MLXIP: variants seen among roughly 807,000 people sequenced by gnomAD.
The protein encoded by MLXIP is MLX-interacting protein.
Under a neutral mutation model 87.2 loss-of-function variants are expected in MLXIP, and 30 were observed. The observed-to-expected ratio is 0.34, with a 90% CI of 0.26 to 0.47. The LOEUF is 0.47. Ranked by LOEUF, MLXIP falls within the 20% of genes least tolerant of loss-of-function variation. The pLI is 1.00. For synonymous variants in MLXIP, 530 were observed against 514.0 expected (o/e 1.03, Z -0.42); for missense variants, 1,002 against 1,240.1 (o/e 0.81, Z 2.88).
At chr12:122,134,854 A>G in intron 9 of MLXIP, 1 of 302,758 alleles carries the variant, frequency 3.3e-6, no homozygotes, top group Admixed American at 4.7e-5. Context: ...TTGTATCTTC[A>G]GTAGAGATGG....
intron 1 of MLXIP, among the ~76,000 whole-genome samples, chr12:122,101,464 C>A (rs1200559808): frequency 6.9e-6 from 1 of 144,980 alleles, no homozygotes; most frequent in Non-Finnish European, 1.5e-5. Context: ...TTTTTCTTTT[C>A]ATGCTTTTTG....
chr12:122,114,737 C>CTT lies in MLXIP; in HGVS notation c.414-12502_414-12501dup, dbSNP rs1278951793. On this transcript the variant is annotated intron_variant, in intron 1 of 16. Coordinates refer to ENST00000319080, the MANE Select transcript of MLXIP (RefSeq NM_014938.6). ...TGACCTCTCTTTGGGAAGGTGACTTCTTTTTTTTTTTTTTTTTTGGTGGGG... is the reference window on the plus strand; with the variant it reads ...TGACCTCTCTTTGGGAAGGTGACTTCTTTTTTTTTTTTTTTTTTTTGGTGGGG... Among the ~76,000 whole-genome samples the CTT allele has an allele frequency of 1.8e-3, 218 of 120,970 alleles. 2 individuals are homozygous for CTT. The highest frequency in any genetic ancestry group is 4.6e-3 in the Admixed American group (52 of 11,204). 79.4% of individuals were successfully genotyped at this position (120,970 alleles called of 152,430 possible).
chr12:122,079,074 A>G lies in MLXIP; in HGVS notation c.221A>G (p.Gln74Arg), dbSNP rs1399741593. The G allele has an allele frequency of 1.3e-6, 2 of 1,529,088 alleles. No individual in the cohort carries two copies. Among genetic ancestry groups the G allele is most frequent in the Non-Finnish European group, 8.8e-7 (1 of 1,139,220 alleles). 94.7% of individuals were successfully genotyped at this position (1,529,088 alleles called of 1,614,324 possible). A position where few individuals can be genotyped will look rare whatever the true frequency, so the allele number is the denominator to read the frequency against. The part of the protein sequence containing the change: ...GPGREEPPRR[Q>R]QIIHSGHFMV... ...GGCCGCGAGGAACCTCCGCGCCGCC[A>G]GCAGATCATCCACAGCGGCCACTTC... is the stretch of plus-strand genomic sequence containing the variant. Residue 74 changes from glutamine (Q) to arginine (R), a missense_variant, in exon 1 of 17, where the codon CAG (glutamine) becomes CGG (arginine). Transcript: ENST00000319080.
chr12:122,086,140 C>T (rs139957094), intron 1 of MLXIP, among the ~76,000 whole-genome samples: 4 of 152,232 alleles, frequency 2.6e-5, no homozygotes, highest in Admixed American at 2.0e-4. Flanking sequence ...GGCGAGGGGA[C>T]GGGTTCTCCC....
At chr12:122,092,107 C>T (rs146055085) in intron 1 of MLXIP, among the ~76,000 whole-genome samples, 76,393 of 150,082 alleles carry the variant, frequency 0.51, 19,802 homozygotes, top group Middle Eastern at 0.64. Flanking sequence ...TTTTTCTTTT[C>T]TTTTCTTTGA....
intron 1 of MLXIP, among the ~76,000 whole-genome samples, chr12:122,114,406 A>G (rs560708681): frequency 2.6e-5 from 4 of 152,202 alleles, no homozygotes; most frequent in Non-Finnish European, 5.9e-5. Context: ...GTTGCAGTAT[A>G]TTATAAGGAA....
At chr12:122,114,035 G>T (rs1202425590) in intron 1 of MLXIP, among the ~76,000 whole-genome samples, 3 of 130,694 alleles carry the variant, frequency 2.3e-5, no homozygotes, top group African/African-American at 8.7e-5. Flanking sequence ...GCCCAGGCTA[G>T]AGTGTAATGG....
intron 1 of MLXIP, among the ~76,000 whole-genome samples, chr12:122,120,025 C>T (rs964812785): frequency 5.9e-5 from 9 of 152,198 alleles, no homozygotes; most frequent in South Asian, 2.1e-4. Context: ...TTTGTAGCAG[C>T]GCTATTCGCT....
chr12:122,113,282 C>T (rs1307911635), intron 1 of MLXIP, among the ~76,000 whole-genome samples: 4 of 152,096 alleles, frequency 2.6e-5, no homozygotes, highest in Non-Finnish European at 5.9e-5. Flanking sequence ...TGTTTTGAGA[C>T]AGGGTCTCAC....
At chr12:122,105,907 A>G (rs1952512191) in intron 1 of MLXIP, among the ~76,000 whole-genome samples, 1 of 150,678 alleles carries the variant, frequency 6.6e-6, no homozygotes, top group Non-Finnish European at 1.5e-5. Flanking sequence ...TTTGATTCCT[A>G]TTCTGTCATC....
chr12:122,098,614 T>C (rs1373160056), intron 1 of MLXIP, among the ~76,000 whole-genome samples: 1 of 152,178 alleles, frequency 6.6e-6, no homozygotes, highest in Non-Finnish European at 1.5e-5. Context: ...GGTTGGCTGA[T>C]GTTGGTTTCT....
intron 1 of MLXIP, among the ~76,000 whole-genome samples, chr12:122,085,138 C>T (rs1952147678): frequency 6.6e-6 from 1 of 152,080 alleles, no homozygotes; most frequent in Non-Finnish European, 1.5e-5. Context: ...CCTCGGTCCA[C>T]TCCATGTCTC....
In MLXIP at chr12:122,142,277, G is replaced by A. The variant is rs376243705; in HGVS notation, c.*465G>A. The A allele has an allele frequency of 4.6e-5, 32 of 692,344 alleles. No homozygotes were observed. Among genetic ancestry groups the A allele is most frequent in the Middle Eastern group, 2.3e-4 (1 of 4,328 alleles). The allele number at this position is 692,344 out of a possible 1,614,324, so 42.9% of individuals were successfully genotyped here. A position where few individuals can be genotyped will look rare whatever the true frequency, so the allele number is the denominator to read the frequency against. On this transcript the variant is annotated 3_prime_UTR_variant, in exon 17 of 17. Transcript: ENST00000319080. The stretch of plus-strand genomic sequence containing the variant: ...CCCTGCTCCACTCTCTGGTCTGCCC[G>A]TGGGGCAGTTGGAAGGCGTCTTTCT...
At chr12:122,114,402 GTATAT>G (rs1952655261) in intron 1 of MLXIP, among the ~76,000 whole-genome samples, 3 of 152,218 alleles carry the variant, frequency 2.0e-5, no homozygotes, top group Admixed American at 2.0e-4. Flanking sequence ...CATGGTTGCA[GTATAT>G]TATAAGGAAA....
At chr12:122,101,358 G>A (rs1483918649) in intron 1 of MLXIP, among the ~76,000 whole-genome samples, 5 of 149,350 alleles carry the variant, frequency 3.3e-5, no homozygotes, top group East Asian at 3.9e-4. Context: ...TTTTTCCTGT[G>A]CCCATGTAGG....
chr12:122,092,987 GTGTGTGTTGTGTGTA>G (rs1432046185), intron 1 of MLXIP, among the ~76,000 whole-genome samples: 1 of 149,158 alleles, frequency 6.7e-6, no homozygotes, highest in Non-Finnish European at 1.5e-5. Context: ...TGTATGTGTT[GTGTGTGTTGTGTGTA>G]TGTGTGGTGT....
chr12:122,099,284 A>C (rs955140076), intron 1 of MLXIP, among the ~76,000 whole-genome samples: 3 of 152,182 alleles, frequency 2.0e-5, no homozygotes, highest in African/African-American at 7.2e-5. Flanking sequence ...AAAACAAACA[A>C]ACACAAAAAC....
chr12:122,103,673 C>A (rs934783319), intron 1 of MLXIP, among the ~76,000 whole-genome samples: 5 of 151,514 alleles, frequency 3.3e-5, no homozygotes, highest in African/African-American at 1.2e-4. Context: ...GTGCCCACCA[C>A]CACACCTGGC....
Position 122,129,582 on chromosome 12 carries a change from C to A in MLXIP, c.697-6C>A, listed in dbSNP as rs764306597. 36 of 1,613,578 alleles carry A rather than the reference C, an allele frequency of 2.2e-5. 1 individual carries two copies. The East Asian group carries it at 4.5e-4, about 20-fold the overall frequency. On this transcript the variant is annotated splice_region_variant and splice_polypyrimidine_tract_variant and intron_variant, in intron 4 of 16. Transcript: ENST00000319080. The stretch of plus-strand genomic sequence containing the variant: ...TGACCGCCGTGTCCTGTCCCTTTGC[C>A]CACAGCTACAGCAGCACAAGGATGA...
Sources: gnomAD v4.1 joint callset for allele counts (sites outside exome capture counted in the v4.1 genomes callset) on GRCh38, gnomAD v4.1.1 for gene constraint, MANE v1.5 for transcripts, NCBI Gene and HGNC (gene_info 2026-07-23, HGNC 2026-07-21) for gene names.